ADAMTS16: variants seen among roughly 807,000 people sequenced by gnomAD.
The protein encoded by ADAMTS16 is A disintegrin and metalloproteinase with thrombospondin motifs 16.
ADAMTS16 carries 94 observed loss-of-function variants against 145.8 expected under a neutral mutation model. The ratio of observed to expected loss-of-function variants is 0.64; its 90% CI spans 0.55 to 0.77. The LOEUF (loss-of-function observed/expected upper bound fraction) is 0.77, where lower values mean the gene tolerates loss of function less well. ADAMTS16 is among the 30% of genes least tolerant of loss of function. The probability of loss-of-function intolerance (pLI) is 0.00; values close to 1 mark genes in which losing one functional copy is unlikely to be tolerated. For missense variants in ADAMTS16, 1,585 were observed against 1,591.5 expected (o/e 1.00, Z 0.07); for synonymous variants, 659 against 604.3 (o/e 1.09, Z -1.33).
At chr5:5,303,811 C>A (rs370668580) in intron 20 of ADAMTS16, 45 bp downstream of exon 20, 3 of 1,588,998 alleles carry the variant, frequency 1.9e-6, no homozygotes, top group Non-Finnish European at 2.6e-6. Flanking sequence ...TAGCTCTCCC[C>A]TCGGGACTGC....
In ADAMTS16 at chr5:5,151,271, C is replaced by T. The variant is rs139254078; in HGVS notation, c.501+4816C>T. 2.6e-5 allele frequency among the ~76,000 whole-genome samples: 4 copies of T among 151,464 alleles called. No individual in the cohort carries two copies. The East Asian group carries it at 7.8e-4, about 29-fold the overall frequency. ...ATTTATTTATTGAGCTGGAGTCTCA[C>T]CCTGTTGCCCAGGCTGGAGTGCAAT... On this transcript the variant is annotated intron_variant, in intron 3 of 22. Transcript: ENST00000274181.
At chr5:5,233,362 CA>C (rs1438192661) in intron 12 of ADAMTS16, among the ~76,000 whole-genome samples, 2 of 152,120 alleles carry the variant, frequency 1.3e-5, no homozygotes, top group Non-Finnish European at 2.9e-5. Context: ...ATTTCAAGTT[CA>C]GGGGTAGAGT....
In ADAMTS16 at chr5:5,320,195, C is replaced by T. The variant is rs1329545075; in HGVS notation, c.*1057C>T. The T allele has an allele frequency of 6.5e-6, 2 of 305,558 alleles. No homozygotes were observed. Among genetic ancestry groups the T allele is most frequent in the Non-Finnish European group, 1.2e-5 (2 of 161,342 alleles). The allele number at this position is 305,558 out of a possible 1,614,324, so 18.9% of individuals were successfully genotyped here. A position where few individuals can be genotyped will look rare whatever the true frequency, so the allele number is the denominator to read the frequency against. ...CGTCTCTGGCACCCTCCCTGCCATC[C>T]TCAGTGCGGCTGCTGTTCTCCTGTC... On this transcript the variant is annotated 3_prime_UTR_variant, in exon 23 of 23. Coordinates refer to ENST00000274181, the MANE Select transcript of ADAMTS16 (RefSeq NM_139056.4). This position sits in a 1 kb window ranked among gnomAD's most constrained non-coding sequence, Gnocchi z 5.1.
intron 10 of ADAMTS16, among the ~76,000 whole-genome samples, chr5:5,213,075 C>G (rs1455941711): frequency 6.6e-6 from 1 of 152,168 alleles, no homozygotes; most frequent in African/African-American, 2.4e-5. Flanking sequence ...TCCATGCATC[C>G]CTCTTCCTTG....
chr5:5,302,082 G>T (rs73738804), intron 18 of ADAMTS16, among the ~76,000 whole-genome samples: 2 of 152,108 alleles, frequency 1.3e-5, no homozygotes, highest in Admixed American at 1.3e-4. Context: ...CTGTTATGGC[G>T]CCATGTTTCC....
rs541447897 is a variant in ADAMTS16, at chr5:5,232,375, G to A, written c.1709G>A (p.Arg570Gln). 3.8e-5 allele frequency: 61 copies of A among 1,613,798 alleles called. No individual in the cohort carries two copies. In the South Asian group the frequency reaches 4.0e-4, roughly 10 times the overall value. ...TTATGTTGAAAATTTTAGTGGTGCC[G>A]GGGAGGACAGTGTGTGAAATATGGT... is the stretch of plus-strand genomic sequence containing the variant. ...GTICGHDMWCRGGQCVKYGDE... is the reference protein window; with the variant it reads ...GTICGHDMWCQGGQCVKYGDE... Residue 570 changes from arginine to glutamine, a missense_variant, in exon 12 of 23, where the codon CGG (arginine) becomes CAG (glutamine). Transcript: ENST00000274181.
chr5:5,209,519 T>C (rs1477283422), intron 10 of ADAMTS16, among the ~76,000 whole-genome samples: 1 of 152,188 alleles, frequency 6.6e-6, no homozygotes, highest in Non-Finnish European at 1.5e-5. Flanking sequence ...AGCTCAGCAA[T>C]AACTTTTAGT....
chr5:5,150,219 GCCAT>G (rs1734412138), intron 3 of ADAMTS16, among the ~76,000 whole-genome samples: 1 of 152,094 alleles, frequency 6.6e-6, no homozygotes, highest in Non-Finnish European at 1.5e-5. Context: ...TTTTTAAATA[GCCAT>G]CCCAGTGAGT....
At chr5:5,255,778 C>T (rs1186702109) in intron 17 of ADAMTS16, among the ~76,000 whole-genome samples, 1 of 152,204 alleles carries the variant, frequency 6.6e-6, no homozygotes, top group African/African-American at 2.4e-5. Flanking sequence ...TTATGTTCAA[C>T]ATATTGACCT....
At chr5:5,149,336 CACTCAGGT>C (rs1203658320) in intron 3 of ADAMTS16, among the ~76,000 whole-genome samples, 1 of 148,586 alleles carries the variant, frequency 6.7e-6, no homozygotes, top group Admixed American at 6.7e-5. Flanking sequence ...AAATGTGTGT[CACTCAGGT>C]ACTTTCCAGT....
chr5:5,226,657 C>A (rs1185147309), intron 11 of ADAMTS16, among the ~76,000 whole-genome samples: 1 of 152,112 alleles, frequency 6.6e-6, no homozygotes, highest in Non-Finnish European at 1.5e-5. Context: ...GGTCAGTATC[C>A]CACTGTTGTT....
At chr5:5,246,927 T>C (rs73037162) in intron 17 of ADAMTS16, among the ~76,000 whole-genome samples, 333 of 152,292 alleles carry the variant, frequency 2.2e-3, no homozygotes, top group African/African-American at 7.8e-3. Context: ...CTGCGTTGTG[T>C]TCCAAGAACT....
chr5:5,258,922 A>T (rs2126423180), intron 17 of ADAMTS16, among the ~76,000 whole-genome samples: 1 of 152,282 alleles, frequency 6.6e-6, no homozygotes, highest in Non-Finnish European at 1.5e-5. Flanking sequence ...CATTTTTAAA[A>T]GGACATTCAT....
Position 5,303,245 on chromosome 5 carries a change from G to A in ADAMTS16, c.2790-23G>A, listed in dbSNP as rs1015925507. ...CAGAGTGATGGAGCCATCCCTCACC[G>A]AGGTCTCTTTGTCCCTGCCCAGCTG... On this transcript the variant is annotated intron_variant, in intron 18 of 22. Coordinates refer to ENST00000274181, the MANE Select transcript of ADAMTS16 (RefSeq NM_139056.4). 11 of 1,519,942 alleles carry A rather than the reference G, an allele frequency of 7.2e-6. No homozygotes were observed. The East Asian group carries it at 9.2e-5, about 13-fold the overall frequency. The allele number at this position is 1,519,942 out of a possible 1,614,324, so 94.2% of individuals were successfully genotyped here.
intron 16 of ADAMTS16, among the ~76,000 whole-genome samples, chr5:5,240,409 C>T (rs1445686217): frequency 2.0e-5 from 3 of 152,210 alleles, no homozygotes; most frequent in Non-Finnish European, 4.4e-5. Flanking sequence ...GTGTCCAGTG[C>T]GGGGGTCACC....
chr5:5,172,115 A>G (rs934390314), intron 3 of ADAMTS16, among the ~76,000 whole-genome samples: 1 of 151,918 alleles, frequency 6.6e-6, no homozygotes, highest in Non-Finnish European at 1.5e-5. Context: ...CGTAATCTCT[A>G]ATCTTATTTA....
At chr5:5,193,864 G>T (rs750746308) in intron 8 of ADAMTS16, among the ~76,000 whole-genome samples, 12 of 152,182 alleles carry the variant, frequency 7.9e-5, no homozygotes, top group Non-Finnish European at 1.6e-4. Flanking sequence ...ACTTTGAAAG[G>T]CTGAGGTGGG....
intron 3 of ADAMTS16, among the ~76,000 whole-genome samples, chr5:5,171,504 G>A (rs1453190724): frequency 6.6e-6 from 1 of 152,110 alleles, no homozygotes; most frequent in Non-Finnish European, 1.5e-5. Flanking sequence ...TTTGTCAAAT[G>A]CTTTTTCAAC....
intron 10 of ADAMTS16, among the ~76,000 whole-genome samples, chr5:5,211,159 G>T (rs957747219): frequency 5.9e-5 from 9 of 152,090 alleles, no homozygotes; most frequent in Admixed American, 2.6e-4. Flanking sequence ...TAAAAGATTG[G>T]TGTTGTTTCT....
Sources: gnomAD v4.1 joint callset for allele counts (sites outside exome capture counted in the v4.1 genomes callset) on GRCh38, gnomAD v4.1.1 for gene constraint, Gnocchi (gnomAD v3.1) non-coding constraint, MANE v1.5 for transcripts, NCBI Gene and HGNC (gene_info 2026-07-23, HGNC 2026-07-21) for gene names.